The following MCM3AP variants were observed in gnomAD, a reference collection of about 807,000 sequenced individuals.
The protein encoded by MCM3AP is minichromosome maintenance complex component 3 associated protein, also known as germinal-center associated nuclear protein.
Under a neutral mutation model 184.1 loss-of-function variants are expected in MCM3AP, and 126 were observed. The ratio of observed to expected loss-of-function variants is 0.68; its 90% CI spans 0.59 to 0.79. The LOEUF is 0.79. Ranked by LOEUF, MCM3AP falls within the 30% of genes least tolerant of loss-of-function variation. The probability of loss-of-function intolerance (pLI) is 0.00; values close to 1 mark genes in which losing one functional copy is unlikely to be tolerated. For missense variants in MCM3AP, 2,496 were observed against 2,479.2 expected (o/e 1.01, Z -0.14); for synonymous variants, 1,002 against 979.3 (o/e 1.02, Z -0.43).
intron 8 of MCM3AP, among the ~76,000 whole-genome samples, chr21:46,271,072 A>C (rs1360107846): frequency 6.6e-6 from 1 of 152,252 alleles, no homozygotes; most frequent in African/African-American, 2.4e-5. Flanking sequence ...TTTGTTTAGA[A>C]ATGAATTGAT....
rs561154298 is a variant in MCM3AP at position 46,263,321 on chromosome 21, C to T, written c.3335+796G>A. On this transcript the variant is annotated intron_variant, in intron 13 of 27. Coordinates refer to ENST00000291688, the MANE Select transcript of MCM3AP (RefSeq NM_003906.5). Reference sequence around the variant, plus strand: ...CTCCAGCCTGGGCGACAGAGCGAGACTCCGTCTCAAAAACAAAACAAAACA... The same window carrying T: ...CTCCAGCCTGGGCGACAGAGCGAGATTCCGTCTCAAAAACAAAACAAAACA... Among the ~76,000 whole-genome samples the T allele has an allele frequency of 2.0e-5, 3 of 152,170 alleles. No homozygotes were observed. In the South Asian group the frequency reaches 6.2e-4, roughly 32 times the overall value.
At chr21:46,249,820 C>T (rs2080840344) in intron 20 of MCM3AP, 1 of 265,606 alleles carries the variant, frequency 3.8e-6, no homozygotes, top group Non-Finnish European at 7.5e-6. Flanking sequence ...ACAGCACCTG[C>T]AGAGGCTTGG....
At position 46,238,608 on chromosome 21, in the gene MCM3AP, T is replaced by G. The variant is rs569143233; in HGVS notation, c.5634-1629A>C. Among the ~76,000 whole-genome samples the G allele has an allele frequency of 2.1e-3, 256 of 119,940 alleles. 65 individuals carry two copies. The highest frequency in any genetic ancestry group is 3.9e-3 in the Admixed American group (43 of 11,106). The allele number at this position is 119,940 out of a possible 152,430, so 78.7% of individuals were successfully genotyped here. Reference sequence around the variant, plus strand: ...CTGTAGTCCCAGCTACTTGGGAGGCTGGGGCAGGAGAACTGCTTGAACCTG... The same window carrying G: ...CTGTAGTCCCAGCTACTTGGGAGGCGGGGGCAGGAGAACTGCTTGAACCTG... On this transcript the variant is annotated intron_variant, in intron 26 of 27. Coordinates refer to ENST00000291688, the MANE Select transcript of MCM3AP (RefSeq NM_003906.5).
At chr21:46,263,125 C>G (rs770893591) in intron 13 of MCM3AP, among the ~76,000 whole-genome samples, 3 of 151,248 alleles carry the variant, frequency 2.0e-5, no homozygotes, top group African/African-American at 2.4e-5. Flanking sequence ...GTCAGGAGAT[C>G]GAGACCATCC....
intron 25 of MCM3AP, 44 bp downstream of exon 25, chr21:46,242,758 T>C (rs1312480179): frequency 1.3e-6 from 2 of 1,564,194 alleles, no homozygotes; most frequent in South Asian, 1.2e-5. Flanking sequence ...GCAAGAAAAA[T>C]ACAGTTTAGC....
At chr21:46,279,422 G>A (rs1200156366) in intron 4 of MCM3AP, among the ~76,000 whole-genome samples, 1 of 152,256 alleles carries the variant, frequency 6.6e-6, no homozygotes, top group African/African-American at 2.4e-5. Context: ...TGAGCAAGGA[G>A]ATTTCCTACT....
intron 26 of MCM3AP, among the ~76,000 whole-genome samples, chr21:46,237,439 C>CCTCCAGA (rs1169340153): frequency 7.7e-5 from 4 of 51,878 alleles, no homozygotes; most frequent in Admixed American, 2.4e-4. Flanking sequence ...AGGTCTCGCT[C>CCTCCAGA]TGTTGGCCAG....
Position 46,244,926 on chromosome 21 carries a change from T to G in MCM3AP, c.4919A>C (p.Glu1640Ala), listed in dbSNP as rs374861604. Reference protein sequence around the residue: ...DLSWPVTEFAEAGGSRLLPHL... With the variant: ...DLSWPVTEFAAAGGSRLLPHL... ...AGGAAGCAGCCGGCTGCCCCCTGCC[T>G]CAGCAAACTCAGTGACAGGCCAGGA... Residue 1640 changes from glutamate (E) to alanine (A), a missense_variant, in exon 23 of 28, where the codon GAG (glutamate) becomes GCG (alanine). Coordinates refer to ENST00000291688, the MANE Select transcript of MCM3AP (RefSeq NM_003906.5). 6.2e-7 allele frequency: 1 copy of G among 1,614,158 alleles called. No individual in the cohort carries two copies. The highest frequency in any genetic ancestry group is 1.3e-5 in the African/African-American group (1 of 75,038).
chr21:46,277,460 T>C, intron 5 of MCM3AP, 67 bp downstream of exon 5: 1 of 1,325,326 alleles, frequency 7.5e-7, no homozygotes, highest in Non-Finnish European at 1.0e-6. Flanking sequence ...GAGTTGCTCC[T>C]GCCCTGATGG....
Position 46,284,100 on chromosome 21 carries a change from T to C in MCM3AP, c.1187A>G (p.Glu396Gly), listed in dbSNP as rs750124029. Reference sequence around the variant, plus strand: ...CTTCTCTCTACTTTCAGTTTCTTCCTCTTTATTCACACCTGGAATCCGGGA... The same window carrying C: ...CTTCTCTCTACTTTCAGTTTCTTCCCCTTTATTCACACCTGGAATCCGGGA... ...APSRIPGVNK[E>G]EETESREKKE... The change falls in exon 1 of 28, where the codon GAG (glutamate) becomes GGG (glycine). Residue 396 changes from glutamate to glycine, a missense_variant. Coordinates refer to ENST00000291688, the MANE Select transcript of MCM3AP (RefSeq NM_003906.5). The C allele has an allele frequency of 1.9e-6, 3 of 1,613,718 alleles. No individual in the cohort carries two copies. Among genetic ancestry groups the C allele is most frequent in the African/African-American group, 2.7e-5 (2 of 74,894 alleles).
intron 20 of MCM3AP, chr21:46,249,507 C>G: frequency 2.3e-6 from 1 of 431,908 alleles, no homozygotes; most frequent in Non-Finnish European, 4.6e-6. Flanking sequence ...AATTTTCTAC[C>G]TATAATTTTA....
intron 23 of MCM3AP, among the ~76,000 whole-genome samples, chr21:46,244,382 A>T (rs562218403): frequency 2.0e-5 from 3 of 152,168 alleles, no homozygotes; most frequent in African/African-American, 7.2e-5. Flanking sequence ...TGACAAAGAA[A>T]GAATGTTAAA....
chr21:46,264,866 G>A (rs1391239814), intron 12 of MCM3AP, among the ~76,000 whole-genome samples: 3 of 151,992 alleles, frequency 2.0e-5, no homozygotes, highest in Non-Finnish European at 4.4e-5. Context: ...CCATCAGTGG[G>A]GACACCCAAC....
chr21:46,263,780 C>CAAAAAAAAAAAAAAAAAAAAAAAAAAAA (rs57674256), intron 13 of MCM3AP, among the ~76,000 whole-genome samples: 1 of 28,330 alleles, frequency 3.5e-5, no homozygotes, highest in African/African-American at 1.8e-4. Flanking sequence ...GACTCCATCT[C>CAAAAAAAAAAAAAAAAAAAAAAAAAAAA]AAAAAAAAAA....
Position 46,283,710 on chromosome 21 carries a change from T to C in MCM3AP, c.1348A>G (p.Thr450Ala), listed in dbSNP as rs1453422991. 1.9e-6 allele frequency: 3 copies of C among 1,613,960 alleles called. No homozygotes were observed. In the African/African-American group the frequency reaches 4.0e-5, roughly 22 times the overall value. ...TTGCCAAAATGGTTCTCCAGAATGG[T>C]CCTGTCGTTGAGGTAGTCAGGGATG... Reference protein sequence around the residue: ...KNIPDYLNDRTILENHFGKIA... With the variant: ...KNIPDYLNDRAILENHFGKIA... The change falls in exon 2 of 28, where the codon ACC becomes GCC. Residue 450 changes from threonine (T) to alanine (A), a missense_variant. This residue lies in a region of MCM3AP where 800 missense variants were observed against 717.1 expected (regional missense o/e 1.12). Coordinates refer to ENST00000291688, the MANE Select transcript of MCM3AP (RefSeq NM_003906.5).
At chr21:46,257,296 G>A (rs1240110320) in intron 16 of MCM3AP, among the ~76,000 whole-genome samples, 1 of 151,388 alleles carries the variant, frequency 6.6e-6, no homozygotes, top group African/African-American at 2.4e-5. Context: ...GCAACACAGT[G>A]AAACCCAATC....
intron 19 of MCM3AP, 88 bp from the exon 20 acceptor site, chr21:46,251,770 GAA>G (rs2080873414): frequency 1.1e-5 from 9 of 830,248 alleles, no homozygotes; most frequent in African/African-American, 1.7e-5. Flanking sequence ...AGGAAAAGAA[GAA>G]AGAAAAATAT....
At chr21:46,241,673 A>G (rs2839167) in intron 25 of MCM3AP, 67,259 of 152,412 alleles carry the variant, frequency 0.44, 15,113 homozygotes, top group African/African-American at 0.49. Context: ...TCAGCAATTG[A>G]TGCATATTTG....
chr21:46,243,873 G>C (rs1352310236), intron 23 of MCM3AP, 151 bp from the exon 24 acceptor site: 10 of 738,120 alleles, frequency 1.4e-5, no homozygotes, highest in Non-Finnish European at 2.2e-5. Flanking sequence ...GGGAAGAGCA[G>C]CTTGCTCCCA....
Sources: allele counts gnomAD v4.1 joint callset (sites outside exome capture counted in the v4.1 genomes callset), GRCh38; gene constraint gnomAD v4.1.1; regional missense constraint gnomAD v4.1.1; transcripts MANE v1.5; gene names NCBI Gene and HGNC (gene_info 2026-07-23, HGNC 2026-07-21).